Variants in CTNNA3 observed in about 807,000 individuals in gnomAD.
CTNNA3 encodes the protein catenin alpha 3.
CTNNA3 carries 76 observed loss-of-function variants against 95.7 expected under a neutral mutation model. The ratio of observed to expected loss-of-function variants is 0.79; its 90% confidence interval spans 0.66 to 0.96. The LOEUF is 0.96. Among genes scored for constraint, CTNNA3 ranks in the 40% least tolerant of loss-of-function variants. The probability of loss-of-function intolerance (pLI) is 0.00; values close to 1 mark genes in which losing one functional copy is unlikely to be tolerated. For missense variants in CTNNA3, 1,191 were observed against 1,089.8 expected (o/e 1.09, Z -1.31); for synonymous variants, 431 against 374.4 (o/e 1.15, Z -1.74).
rs114746430 is a variant in CTNNA3, at chr10:67,201,053, G to A, written c.843+18554C>T. 5.0e-3 allele frequency among the ~76,000 whole-genome samples: 766 copies of A among 152,028 alleles called. 5 individuals are homozygous for A. The highest frequency in any genetic ancestry group is 0.018 in the African/African-American group (741 of 41,450). Reference sequence around the variant, plus strand: ...TTATTACATTGCTTCATCCATCACCGGAGTTCCTACTCTGCATTGGGCCTC... The same window carrying A: ...TTATTACATTGCTTCATCCATCACCAGAGTTCCTACTCTGCATTGGGCCTC... On this transcript the variant is annotated intron_variant, in intron 6 of 17. Coordinates refer to ENST00000433211, the MANE Select transcript of CTNNA3 (RefSeq NM_013266.4).
intron 9 of CTNNA3, among the ~76,000 whole-genome samples, chr10:66,653,671 T>A (rs1306331767): frequency 6.6e-6 from 1 of 151,954 alleles, no homozygotes; most frequent in Non-Finnish European, 1.5e-5. Flanking sequence ...AATAACACAA[T>A]CAGAGGTATC....
chr10:67,178,965 T>C (rs1862372789), intron 7 of CTNNA3, among the ~76,000 whole-genome samples: 1 of 152,078 alleles, frequency 6.6e-6, no homozygotes, highest in African/African-American at 2.4e-5. Flanking sequence ...CCTTACAACT[T>C]TGATTTATCG....
chr10:67,648,639 T>C, intron 1 of CTNNA3: 2 of 818,312 alleles, frequency 2.4e-6, no homozygotes, highest in Admixed American at 3.2e-5. Flanking sequence ...TGAAAAGATA[T>C]TACTTGAGTT....
At chr10:66,879,489 A>C (rs929326182) in intron 7 of CTNNA3, among the ~76,000 whole-genome samples, 1 of 152,250 alleles carries the variant, frequency 6.6e-6, no homozygotes, top group East Asian at 1.9e-4. Flanking sequence ...TCAGGCATCT[A>C]TTCTCAATAA....
chr10:67,570,789 G>A (rs1373071756), intron 3 of CTNNA3, among the ~76,000 whole-genome samples: 6 of 152,146 alleles, frequency 3.9e-5, no homozygotes, highest in African/African-American at 1.4e-4. Flanking sequence ...AGCACTGCCA[G>A]TCCTGGTTTC....
intron 15 of CTNNA3, among the ~76,000 whole-genome samples, chr10:66,016,816 T>G (rs1373149860): frequency 6.6e-6 from 1 of 152,156 alleles, no homozygotes; most frequent in Non-Finnish European, 1.5e-5. Context: ...TAAGATATTT[T>G]CATTAAAATC....
intron 1 of CTNNA3, among the ~76,000 whole-genome samples, chr10:67,753,438 T>C (rs1470664715): frequency 6.6e-6 from 1 of 151,968 alleles, no homozygotes; most frequent in Non-Finnish European, 1.5e-5. Context: ...TCAAAAGCAA[T>C]TGCAACAAAA....
intron 12 of CTNNA3, among the ~76,000 whole-genome samples, chr10:66,340,629 T>C (rs2092443880): frequency 6.6e-6 from 1 of 151,914 alleles, no homozygotes; most frequent in South Asian, 2.1e-4. Context: ...GCAGTAATTA[T>C]GGTTATTCAT....
At chr10:66,255,177 A>C (rs2090715944) in intron 13 of CTNNA3, among the ~76,000 whole-genome samples, 1 of 152,148 alleles carries the variant, frequency 6.6e-6, no homozygotes, top group Admixed American at 6.5e-5. Flanking sequence ...GTTTGAGCTG[A>C]TCACTCAAAC....
At chr10:66,928,475 GA>G (rs767336165) in intron 7 of CTNNA3, 1 of 1,560,544 alleles carries the variant, frequency 6.4e-7, no homozygotes, top group African/African-American at 1.4e-5. Flanking sequence ...GTGATAAAAA[GA>G]GCTCTTAAAA....
At chr10:67,664,563 G>T (rs1390426395) in intron 1 of CTNNA3, among the ~76,000 whole-genome samples, 1 of 151,994 alleles carries the variant, frequency 6.6e-6, no homozygotes, top group Admixed American at 6.5e-5. Context: ...GAGAATTGCT[G>T]CATTTATTTT....
intron 6 of CTNNA3, among the ~76,000 whole-genome samples, chr10:67,194,872 C>G (rs1459149537): frequency 7.8e-6 from 1 of 127,712 alleles, no homozygotes; most frequent in East Asian, 1.9e-4. Flanking sequence ...TAAAACTGCT[C>G]TAAAATAAAG....
intron 13 of CTNNA3, among the ~76,000 whole-genome samples, chr10:66,271,045 A>G (rs186842561): frequency 6.6e-6 from 1 of 152,296 alleles, no homozygotes; most frequent in East Asian, 1.9e-4. Flanking sequence ...GTATTCTCCT[A>G]TGGTAAGAGA....
At chr10:65,974,740 G>A (rs948276072) in intron 16 of CTNNA3, among the ~76,000 whole-genome samples, 4 of 150,272 alleles carry the variant, frequency 2.7e-5, no homozygotes, top group African/African-American at 9.9e-5. Flanking sequence ...TTATTTTTTA[G>A]ATGCATTAAA....
chr10:67,310,307 T>G (rs990721332), intron 5 of CTNNA3, among the ~76,000 whole-genome samples: 7 of 152,194 alleles, frequency 4.6e-5, no homozygotes, highest in African/African-American at 1.7e-4. Flanking sequence ...CTTAAATTAC[T>G]ACCCCTAAGT....
At chr10:66,271,193 A>G (rs138348217) in intron 13 of CTNNA3, among the ~76,000 whole-genome samples, 9 of 152,220 alleles carry the variant, frequency 5.9e-5, no homozygotes, top group African/African-American at 1.7e-4. Context: ...TTCCCGTTGA[A>G]ACTCCATTAT....
intron 11 of CTNNA3, among the ~76,000 whole-genome samples, chr10:66,441,179 A>C (rs910756907): frequency 6.6e-6 from 1 of 151,864 alleles, no homozygotes; most frequent in African/African-American, 2.4e-5. Flanking sequence ...CAAAATATTT[A>C]ATCATTTTAA....
intron 1 of CTNNA3, among the ~76,000 whole-genome samples, chr10:67,751,379 A>T (rs1370357947): frequency 6.6e-6 from 1 of 152,170 alleles, no homozygotes; most frequent in Non-Finnish European, 1.5e-5. Flanking sequence ...GCTGTTTTAG[A>T]CATTTATTTC....
chr10:66,982,972 C>T (rs1228005925), intron 7 of CTNNA3, among the ~76,000 whole-genome samples: 3 of 152,108 alleles, frequency 2.0e-5, no homozygotes, highest in South Asian at 2.1e-4. Flanking sequence ...GCTCTGAAGG[C>T]GCCCTCGGCT....
Sources: allele counts gnomAD v4.1 joint callset (sites outside exome capture counted in the v4.1 genomes callset), GRCh38; gene constraint gnomAD v4.1.1; transcripts MANE v1.5; gene names NCBI Gene and HGNC (gene_info 2026-07-23, HGNC 2026-07-21).